Variants in PALS2 observed in about 807,000 individuals in gnomAD.
The protein encoded by PALS2 is protein PALS2.
PALS2 carries 27 observed loss-of-function variants against 61.6 expected under a neutral mutation model. The observed-to-expected ratio is 0.44, with a 90% CI of 0.32 to 0.60. PALS2 has a LOEUF of 0.60. Among genes scored for constraint, PALS2 ranks in the 20% least tolerant of loss-of-function variants. The pLI, the probability that PALS2 is intolerant of heterozygous loss-of-function variation, is 0.05. For missense variants in PALS2, 554 were observed against 639.4 expected, an observed-to-expected ratio of 0.87 and a Z score of 1.44; for synonymous variants, 236 against 218.6, an observed-to-expected ratio of 1.08 and a Z score of -0.70.
At chr7:24,662,786 A>G (rs1036446054) in intron 5 of PALS2, among the ~76,000 whole-genome samples, 1 of 103,858 alleles carries the variant, frequency 9.6e-6, no homozygotes, top group Non-Finnish European at 1.8e-5. Flanking sequence ...AAAAAAAAAA[A>G]AAAAAAAAAA....
intron 1 of PALS2, among the ~76,000 whole-genome samples, chr7:24,575,661 TTAAA>T (rs1301698971): frequency 2.0e-5 from 3 of 152,242 alleles, no homozygotes; most frequent in African/African-American, 7.2e-5. Context: ...GATATTTTAA[TTAAA>T]TGTCTTTCAT....
intron 1 of PALS2, among the ~76,000 whole-genome samples, chr7:24,608,432 A>G (rs569453309): frequency 1.3e-5 from 2 of 152,116 alleles, no homozygotes; most frequent in South Asian, 4.1e-4. Flanking sequence ...TCTCACACTT[A>G]TTCTATTCTT....
At position 24,668,652 on chromosome 7, in the gene PALS2, CG is replaced by C; in HGVS notation, c.1108del (p.Val370CysfsTer72). The stretch of plus-strand genomic sequence containing the variant: ...TTGAATCCCACTAGATTTGGAACTA[CG>C]GTGCCATGTAAGTTTTCTGTGTTTT... ...IVLNPTRFGT[T>X]VPFTSRKPRE... On this transcript the variant is annotated frameshift_variant, in exon 9 of 12. Coordinates refer to ENST00000222644, the MANE Select transcript of PALS2 (RefSeq NM_001303037.2). LOFTEE classifies it high-confidence loss of function. 1 of 1,613,660 alleles carries C rather than the reference CG, an allele frequency of 6.2e-7. No homozygotes were observed. Among genetic ancestry groups the C allele is most frequent in the South Asian group, 1.1e-5 (1 of 91,026 alleles).
chr7:24,693,948 C>T lies in PALS2; in HGVS notation c.*6334C>T, dbSNP rs1011606979. 4.6e-5 allele frequency: 7 copies of T among 151,770 alleles called. No individual in the cohort carries two copies. Among genetic ancestry groups the T allele is most frequent in the South Asian group, 2.1e-4 (1 of 4,802 alleles). 9.4% of individuals were successfully genotyped at this position (151,770 alleles called of 1,614,324 possible). On this transcript the variant is annotated 3_prime_UTR_variant, in exon 12 of 12. Transcript: ENST00000222644. ...GTAAGTCTTTTATTTGAACACAAGA[C>T]GCATGCTTTTTTAAACCTCTAGTTT...
intron 11 of PALS2, among the ~76,000 whole-genome samples, chr7:24,686,498 C>A (rs1788211776): frequency 2.0e-5 from 3 of 152,166 alleles, no homozygotes; most frequent in Admixed American, 2.0e-4. Flanking sequence ...ATGCTGACCT[C>A]CTTATTTTCA....
At chr7:24,616,424 G>A (rs1220281062) in intron 1 of PALS2, among the ~76,000 whole-genome samples, 1 of 151,998 alleles carries the variant, frequency 6.6e-6, no homozygotes. Context: ...AATCAAGAAA[G>A]CCATTATATT....
chr7:24,663,737 A>G lies in PALS2; in HGVS notation c.783+16A>G, dbSNP rs1354225278. On this transcript the variant is annotated intron_variant, in intron 6 of 11. Transcript: ENST00000222644. ...TTGGTGGCAGGTTAGTATGCTTCTC[A>G]GAAGTTCCTCAGCTACTTTTCTAAT... 3.1e-6 allele frequency: 5 copies of G among 1,601,738 alleles called. No individual in the cohort carries two copies. The highest frequency in any genetic ancestry group is 4.3e-6 in the Non-Finnish European group (5 of 1,170,550).
intron 1 of PALS2, among the ~76,000 whole-genome samples, chr7:24,576,722 A>G (rs958878247): frequency 3.3e-5 from 5 of 152,220 alleles, no homozygotes; most frequent in African/African-American, 1.2e-4. Flanking sequence ...AAGGATCTGG[A>G]AAGATCATCA....
chr7:24,639,719 G>T, intron 2 of PALS2, among the ~76,000 whole-genome samples: 1 of 148,212 alleles, frequency 6.7e-6, no homozygotes, highest in African/African-American at 2.5e-5. Context: ...TAAATATTGA[G>T]TGTCCTCATC....
intron 11 of PALS2, 149 bp downstream of exon 11, chr7:24,680,669 C>T (rs1048861860): frequency 3.7e-6 from 4 of 1,073,434 alleles, no homozygotes; most frequent in Non-Finnish European, 5.0e-6. Context: ...GATCTCAGCT[C>T]GTTGCAACCT....
At chr7:24,617,351 T>C (rs1013295232) in intron 1 of PALS2, among the ~76,000 whole-genome samples, 1 of 152,250 alleles carries the variant, frequency 6.6e-6, no homozygotes, top group Non-Finnish European at 1.5e-5. Flanking sequence ...GATTATTATT[T>C]TGAATTCTCT....
intron 1 of PALS2, among the ~76,000 whole-genome samples, chr7:24,577,869 T>A (rs1420497078): frequency 6.6e-6 from 1 of 152,230 alleles, no homozygotes; most frequent in Non-Finnish European, 1.5e-5. Flanking sequence ...TCTGAAATTA[T>A]GTTTTTATAT....
intron 11 of PALS2, among the ~76,000 whole-genome samples, chr7:24,685,647 G>GTTT (rs34096637): frequency 4.5e-5 from 6 of 132,896 alleles, no homozygotes; most frequent in African/African-American, 1.4e-4. Context: ...TGTTAACAGG[G>GTTT]TTTTTTTTTT....
At position 24,687,311 on chromosome 7, in the gene PALS2, T is replaced by G; in HGVS notation, c.1447-127T>G. The G allele has an allele frequency of 1.4e-6, 1 of 701,466 alleles. No individual in the cohort carries two copies. The highest frequency in any genetic ancestry group is 1.9e-5 in the South Asian group (1 of 53,258). 43.5% of individuals were successfully genotyped at this position (701,466 alleles called of 1,614,324 possible). ...GTCTTTAACACTATATGGATTAGAT[T>G]TTGAAGATTAATACCAGAATTACCA... is the stretch of plus-strand genomic sequence containing the variant. On this transcript the variant is annotated intron_variant, in intron 11 of 11. Coordinates refer to ENST00000222644, the MANE Select transcript of PALS2 (RefSeq NM_001303037.2). The surrounding 1 kb of genome is among the most constrained non-coding windows in gnomAD (Gnocchi z 4.5).
At position 24,650,504 on chromosome 7, in the gene PALS2, A is replaced by C. The variant is rs766148963; in HGVS notation, c.443A>C (p.Glu148Ala). ...GEPLGVTFRV[E>A]NNDLVIARIL... ...TCATAGGGTGTGACATTTAGGGTTG[A>C]AAATAATGATCTGGTAATTGCCCGA... The change falls in exon 5 of 12, where the codon GAA (glutamate) becomes GCA (alanine). Residue 148 changes from glutamate to alanine, a missense_variant. Glu to Ala is a moderately radical substitution (Grantham distance 107). Coordinates refer to ENST00000222644, the MANE Select transcript of PALS2 (RefSeq NM_001303037.2). 1 of 1,602,264 alleles carries C rather than the reference A, an allele frequency of 6.2e-7. No individual in the cohort carries two copies. Among genetic ancestry groups the C allele is most frequent in the South Asian group, 1.1e-5 (1 of 87,860 alleles).
At chr7:24,667,011 G>T (rs1431057760) in intron 8 of PALS2, 4 of 152,042 alleles carry the variant, frequency 2.6e-5, no homozygotes, top group Non-Finnish European at 4.4e-5. Context: ...CACCATAAAA[G>T]AAAATAATAT....
chr7:24,606,096 AGTATG>A (rs1783888588), intron 1 of PALS2, among the ~76,000 whole-genome samples: 1 of 152,170 alleles, frequency 6.6e-6, no homozygotes, highest in Admixed American at 6.5e-5. Flanking sequence ...AAGCCATTTC[AGTATG>A]TGTCACATTC....
chr7:24,575,425 C>T (rs977576701), intron 1 of PALS2, among the ~76,000 whole-genome samples: 2 of 152,190 alleles, frequency 1.3e-5, no homozygotes, highest in Non-Finnish European at 2.9e-5. Flanking sequence ...CAGTTTGCTT[C>T]TGAGTCTCAT....
At chr7:24,655,102 A>C (rs1007488230) in intron 5 of PALS2, among the ~76,000 whole-genome samples, 2 of 152,218 alleles carry the variant, frequency 1.3e-5, no homozygotes, top group African/African-American at 2.4e-5. Context: ...TATAGCTGTG[A>C]ATCAACAGCA....
Sources: gnomAD v4.1 joint callset for allele counts (sites outside exome capture counted in the v4.1 genomes callset) on GRCh38, gnomAD v4.1.1 for gene constraint, Gnocchi (gnomAD v3.1) non-coding constraint, MANE v1.5 for transcripts, NCBI Gene and HGNC (gene_info 2026-07-23, HGNC 2026-07-21) for gene names.